Variants in CELF2 observed in about 807,000 individuals in gnomAD.
CELF2 encodes the protein CUGBP Elav-like family member 2, also known as CUG triplet repeat RNA-binding protein 2.
In CELF2, 8 loss-of-function variants were observed where a neutral mutation model predicts 62.6. That is an observed-to-expected ratio of 0.13 (90% CI 0.07 to 0.23). CELF2 has a LOEUF of 0.23. CELF2 is among the 10% of genes least tolerant of loss of function. The probability of loss-of-function intolerance (pLI) is 1.00; values close to 1 mark genes in which losing one functional copy is unlikely to be tolerated. For synonymous variants in CELF2, 258 were observed against 250.0 expected (o/e 1.03, Z -0.30); for missense variants, 333 against 671.0 (o/e 0.50, Z 5.56).
intron 1 of CELF2, among the ~76,000 whole-genome samples, chr10:10,845,779 T>C (rs1467177277): frequency 6.6e-6 from 1 of 152,134 alleles, no homozygotes; most frequent in Non-Finnish European, 1.5e-5. Flanking sequence ...CACTTTCATG[T>C]GATGGCAGGT....
At chr10:10,831,001 T>G (rs1260112196) in intron 1 of CELF2, among the ~76,000 whole-genome samples, 2 of 152,182 alleles carry the variant, frequency 1.3e-5, no homozygotes, top group Non-Finnish European at 2.9e-5. Context: ...ATCTTCAAAC[T>G]AGCTTAAATG....
At chr10:11,326,024 G>A (rs1217653803) in intron 12 of CELF2, 45 bp downstream of exon 12, 33 of 1,567,080 alleles carry the variant, frequency 2.1e-5, no homozygotes, top group Admixed American at 3.6e-5. Flanking sequence ...AGGTTCCCAA[G>A]TGAAGAGTCG....
At chr10:10,848,603 G>A (rs2059163167) in intron 1 of CELF2, among the ~76,000 whole-genome samples, 1 of 152,172 alleles carries the variant, frequency 6.6e-6, no homozygotes, top group African/African-American at 2.4e-5. Context: ...CCCCTGGAAG[G>A]CTCTCATGGT....
chr10:11,219,391 A>C (rs1478944670), intron 3 of CELF2, among the ~76,000 whole-genome samples: 1 of 152,222 alleles, frequency 6.6e-6, no homozygotes, highest in East Asian at 1.9e-4. Flanking sequence ...CTTCCTAAAA[A>C]TCCTGCATGT....
intron 1 of CELF2, among the ~76,000 whole-genome samples, chr10:10,919,142 C>T (rs143296115): frequency 1.0e-3 from 157 of 152,090 alleles, no homozygotes; most frequent in Non-Finnish European, 2.0e-3. Context: ...TGGTGGCACA[C>T]AACTGTAATC....
intron 2 of CELF2, among the ~76,000 whole-genome samples, chr10:10,987,243 C>T (rs1461408277): frequency 2.7e-5 from 4 of 145,920 alleles, no homozygotes; most frequent in Middle Eastern, 3.2e-3. Flanking sequence ...ATTGTAACAG[C>T]TCTCTAGAGA....
At chr10:10,493,335 A>G in the CELF2 span, among the ~76,000 whole-genome samples, 1 of 152,082 alleles carries the variant, frequency 6.6e-6, no homozygotes, top group Non-Finnish European at 1.5e-5. Context: ...TGCAAGATGG[A>G]AAAAGTTCTG....
chr10:11,303,513 G>A lies in CELF2; in HGVS notation c.977-10626G>A, dbSNP rs529368038. 5.3e-5 allele frequency among the ~76,000 whole-genome samples: 8 copies of A among 152,300 alleles called. 1 individual carries two copies. In the South Asian group the frequency reaches 1.7e-3, roughly 32 times the overall value. ...CCCAGATTCTCCTCCTTCAGATACAGACTGAACACACGTTTATTGATCACC... is the reference window on the plus strand; with the variant it reads ...CCCAGATTCTCCTCCTTCAGATACAAACTGAACACACGTTTATTGATCACC... On this transcript the variant is annotated intron_variant, in intron 9 of 12. Coordinates refer to ENST00000633077, the MANE Select transcript of CELF2 (RefSeq NM_001326342.2).
At chr10:11,167,992 T>C (rs682970) in intron 2 of CELF2, among the ~76,000 whole-genome samples, 150,205 of 152,322 alleles carry the variant, frequency 0.99, 74,070 homozygotes, top group Middle Eastern at 1. Context: ...TTTTGCGTCT[T>C]CATGAGATGA....
At chr10:10,894,839 A>T (rs2062423339) in intron 1 of CELF2, among the ~76,000 whole-genome samples, 1 of 152,268 alleles carries the variant, frequency 6.6e-6, no homozygotes, top group Middle Eastern at 3.4e-3. Context: ...ATGATTTCAT[A>T]CTCTGTTTAT....
the CELF2 span, among the ~76,000 whole-genome samples, chr10:10,696,332 G>C: frequency 6.6e-6 from 1 of 151,738 alleles, no homozygotes; most frequent in African/African-American, 2.4e-5. Context: ...AGGGGTCAGG[G>C]ACCCACTTGA....
chr10:11,076,323 C>T (rs1190140404), intron 1 of CELF2, among the ~76,000 whole-genome samples: 2 of 152,028 alleles, frequency 1.3e-5, no homozygotes, highest in Non-Finnish European at 2.9e-5. Context: ...AATTCAGCAG[C>T]AAGCAAAAAG....
At chr10:10,748,003 C>A in the CELF2 span, among the ~76,000 whole-genome samples, 3 of 152,110 alleles carry the variant, frequency 2.0e-5, no homozygotes, top group Admixed American at 1.3e-4. Context: ...TGTTCTCACC[C>A]ATAGATAGGA....
At position 11,211,304 on chromosome 10, in the gene CELF2, A is replaced by G. The variant is rs928436808; in HGVS notation, c.272-6121A>G. The stretch of plus-strand genomic sequence containing the variant: ...TTAAAACAAAAATTGCTTTGTCCAT[A>G]TATTAGAGTCAAGGAATTTAAAGAA... On this transcript the variant is annotated intron_variant, in intron 2 of 12. Transcript: ENST00000633077. This position sits in a 1 kb window ranked among gnomAD's most constrained non-coding sequence, Gnocchi z 4.8. Among the ~76,000 whole-genome samples, 2 of 152,228 alleles carry G rather than the reference A, an allele frequency of 1.3e-5. No homozygotes were observed. Among genetic ancestry groups the G allele is most frequent in the South Asian group, 2.1e-4 (1 of 4,834 alleles).
chr10:10,710,072 A>G, the CELF2 span, among the ~76,000 whole-genome samples: 5 of 152,214 alleles, frequency 3.3e-5, no homozygotes, highest in East Asian at 3.8e-4. Flanking sequence ...CAATGTTTCC[A>G]GTCAGGATTC....
At chr10:10,902,510 C>A (rs2063011610) in intron 1 of CELF2, among the ~76,000 whole-genome samples, 1 of 152,004 alleles carries the variant, frequency 6.6e-6, no homozygotes, top group Non-Finnish European at 1.5e-5. Flanking sequence ...TGGATACATA[C>A]CATAGGATTC....
At chr10:10,731,245 C>T in the CELF2 span, among the ~76,000 whole-genome samples, 1 of 127,616 alleles carries the variant, frequency 7.8e-6, no homozygotes, top group East Asian at 3.0e-4. Flanking sequence ...CTGCAGAAAA[C>T]ACACACACAC....
chr10:10,768,691 A>T, the CELF2 span, among the ~76,000 whole-genome samples: 2 of 151,236 alleles, frequency 1.3e-5, no homozygotes, highest in East Asian at 3.9e-4. Context: ...CTCCTGCCTC[A>T]GGTTCCCAAG....
chr10:10,938,413 TC>T lies in CELF2; in HGVS notation c.89+18415del, dbSNP rs2046657386. On this transcript the variant is annotated intron_variant, in intron 2 of 13. Transcript: ENST00000636488. The surrounding 1 kb of genome is among the most constrained non-coding windows in gnomAD (Gnocchi z 4.2). ...TGTATTTTGGGCATCAGATGATAAT[TC>T]TTTCAGAGAATATGCCTGGGTTTTT... 2.0e-5 allele frequency among the ~76,000 whole-genome samples: 3 copies of T among 152,342 alleles called. No individual in the cohort carries two copies. The South Asian group carries it at 6.2e-4, about 32-fold the overall frequency.
Sources: allele counts gnomAD v4.1 joint callset (sites outside exome capture counted in the v4.1 genomes callset), GRCh38; gene constraint gnomAD v4.1.1; non-coding constraint Gnocchi (gnomAD v3.1); transcripts MANE v1.5; gene names NCBI Gene and HGNC (gene_info 2026-07-23, HGNC 2026-07-21).